FHIT: variants seen among roughly 807,000 people sequenced by gnomAD.
The protein encoded by FHIT is bis(5'-adenosyl)-triphosphatase.
FHIT carries 19 observed loss-of-function variants against 17.9 expected under a neutral mutation model. The ratio of observed to expected loss-of-function variants is 1.06; its 90% confidence interval spans 0.74 to 1.56. FHIT has a LOEUF of 1.56. Among genes scored for constraint, FHIT ranks in the 40% most tolerant of loss-of-function variants. The probability of loss-of-function intolerance (pLI) is 0.00; values close to 1 mark genes in which losing one functional copy is unlikely to be tolerated. For synonymous variants in FHIT, 81 were observed against 69.7 expected (o/e 1.16, Z -0.81); for missense variants, 248 against 189.2 (o/e 1.31, Z -1.82).
At chr3:61,107,398 G>T (rs1330743346) in intron 2 of FHIT, among the ~76,000 whole-genome samples, 1 of 152,118 alleles carries the variant, frequency 6.6e-6, no homozygotes, top group Non-Finnish European at 1.5e-5. Flanking sequence ...GGTTGATTCT[G>T]AATCTTAGCT....
Position 59,802,725 on chromosome 3 carries a change from C to T in FHIT, c.349-50404G>A, listed in dbSNP as rs150360773. Among the ~76,000 whole-genome samples the T allele has an allele frequency of 1.8e-3, 281 of 152,312 alleles. 3 individuals are homozygous for T. Among genetic ancestry groups the T allele is most frequent in the Non-Finnish European group, 1.6e-3 (110 of 68,036 alleles). On this transcript the variant is annotated intron_variant, in intron 8 of 9. Transcript: ENST00000492590. ...GCCTATTGGTTTGGTGGTCTCTTCA[C>T]ATGGACACGCGTGACAATTGTTTTA...
intron 4 of FHIT, among the ~76,000 whole-genome samples, chr3:60,541,803 G>A (rs1287137611): frequency 6.6e-6 from 1 of 152,182 alleles, no homozygotes; most frequent in Non-Finnish European, 1.5e-5. Flanking sequence ...CTGAGCACAT[G>A]GATCTAACAT....
intron 3 of FHIT, among the ~76,000 whole-genome samples, chr3:60,880,702 A>T (rs1187443532): frequency 6.6e-6 from 1 of 152,166 alleles, no homozygotes; most frequent in Non-Finnish European, 1.5e-5. Context: ...ATTGCATTCC[A>T]GCCTGGGCAA....
At chr3:61,229,120 G>T (rs1268895143) in intron 1 of FHIT, among the ~76,000 whole-genome samples, 2 of 152,074 alleles carry the variant, frequency 1.3e-5, no homozygotes, top group African/African-American at 4.8e-5. Flanking sequence ...CCTGGAGCCT[G>T]CAAATATTAC....
chr3:60,821,285 T>C (rs1575565689), intron 4 of FHIT, among the ~76,000 whole-genome samples: 1 of 152,288 alleles, frequency 6.6e-6, no homozygotes, highest in Admixed American at 6.5e-5. Flanking sequence ...AAATACATAT[T>C]CAACATATCC....
chr3:59,750,716 CTTTAACTA>C (rs957227467), intron 9 of FHIT: 9 of 213,928 alleles, frequency 4.2e-5, no homozygotes, highest in African/African-American at 9.0e-5. Flanking sequence ...TAGTCTGGGT[CTTTAACTA>C]TTTAGAATAC....
chr3:61,213,089 T>A (rs1347378335), intron 1 of FHIT, among the ~76,000 whole-genome samples: 1 of 152,136 alleles, frequency 6.6e-6, no homozygotes, highest in Non-Finnish European at 1.5e-5. Context: ...AGGAAGAAAC[T>A]GCATCAACTA....
At chr3:59,830,313 A>G (rs1701122279) in intron 8 of FHIT, among the ~76,000 whole-genome samples, 1 of 152,222 alleles carries the variant, frequency 6.6e-6, no homozygotes. Context: ...ATATATTCCA[A>G]AGGAAAAAGG....
intron 7 of FHIT, among the ~76,000 whole-genome samples, chr3:60,002,938 C>G (rs924033014): frequency 6.6e-6 from 1 of 152,016 alleles, no homozygotes; most frequent in African/African-American, 2.4e-5. Context: ...AACTGTGGAC[C>G]TTTCAAGAAG....
At chr3:59,977,622 C>T (rs947080509) in intron 7 of FHIT, among the ~76,000 whole-genome samples, 1 of 152,158 alleles carries the variant, frequency 6.6e-6, no homozygotes, top group African/African-American at 2.4e-5. Flanking sequence ...ATAGAGTCAG[C>T]CGCGTTGCAG....
At chr3:60,067,744 C>T (rs1435286535) in intron 5 of FHIT, among the ~76,000 whole-genome samples, 1 of 152,144 alleles carries the variant, frequency 6.6e-6, no homozygotes, top group African/African-American at 2.4e-5. Context: ...ACGCGACAGC[C>T]CCATTCCATC....
intron 3 of FHIT, among the ~76,000 whole-genome samples, chr3:60,991,461 A>G (rs2030204574): frequency 6.6e-6 from 1 of 152,212 alleles, no homozygotes; most frequent in South Asian, 2.1e-4. Flanking sequence ...ATATTTTAAA[A>G]ATTACAGCTG....
intron 4 of FHIT, among the ~76,000 whole-genome samples, chr3:60,700,355 G>A (rs543458560): frequency 7.9e-5 from 12 of 152,074 alleles, no homozygotes; most frequent in African/African-American, 1.7e-4. Flanking sequence ...TAATTCCAAC[G>A]GTCTCATATC....
At chr3:61,082,650 C>T (rs1224275523) in intron 2 of FHIT, among the ~76,000 whole-genome samples, 1 of 152,000 alleles carries the variant, frequency 6.6e-6, no homozygotes, top group Non-Finnish European at 1.5e-5. Context: ...ATTTTCAATC[C>T]CACACCACTG....
At chr3:61,060,310 T>C (rs562423917) in intron 2 of FHIT, among the ~76,000 whole-genome samples, 1 of 152,350 alleles carries the variant, frequency 6.6e-6, no homozygotes. Context: ...GGTTATATGT[T>C]GCTTTGCTTT....
rs140193642 is a variant in FHIT at position 60,108,702 on chromosome 3, C to T, written c.104-94550G>A. Among the ~76,000 whole-genome samples, 3 of 148,660 alleles carry T rather than the reference C, an allele frequency of 2.0e-5. No individual in the cohort carries two copies. In the East Asian group the frequency reaches 5.9e-4, roughly 29 times the overall value. ...TTTTGAGACAGAGTCTCGCTTTTGTCGTCCAGGCAGGAGTCCAATGGCTTG... is the reference window on the plus strand; with the variant it reads ...TTTTGAGACAGAGTCTCGCTTTTGTTGTCCAGGCAGGAGTCCAATGGCTTG... On this transcript the variant is annotated intron_variant, in intron 5 of 9. Transcript: ENST00000492590.
At chr3:59,920,896 G>C (rs1026158154) in intron 8 of FHIT, among the ~76,000 whole-genome samples, 3 of 152,168 alleles carry the variant, frequency 2.0e-5, no homozygotes, top group Non-Finnish European at 4.4e-5. Flanking sequence ...GTAAAACCCA[G>C]AGAGCCTATT....
At chr3:59,961,653 T>C (rs1312969490) in intron 7 of FHIT, among the ~76,000 whole-genome samples, 11 of 152,142 alleles carry the variant, frequency 7.2e-5, no homozygotes, top group African/African-American at 2.7e-4. Context: ...ATGGCTTCCC[T>C]TGGCTAGGGG....
In FHIT at chr3:60,390,396, T is replaced by TAAAAAAAAAAAA. The variant is rs869078939; in HGVS notation, c.103+146452_103+146463dup. ...TGGTCCCTTAAGATTGTAATGGAGCTAAAAAAAAAAAAAAAAAAAAAAAAA... is the reference window on the plus strand; with the variant it reads ...TGGTCCCTTAAGATTGTAATGGAGCTAAAAAAAAAAAAAAAAAAAAAAAAAAAAAAAAAAAAA... On this transcript the variant is annotated intron_variant, in intron 5 of 9. Coordinates refer to ENST00000492590, the MANE Select transcript of FHIT (RefSeq NM_002012.4). 1.6e-4 allele frequency among the ~76,000 whole-genome samples: 5 copies of TAAAAAAAAAAAA among 32,030 alleles called. 1 individual carries two copies. The highest frequency in any genetic ancestry group is 5.1e-4 in the Admixed American group (1 of 1,944). 21.0% of individuals were successfully genotyped at this position (32,030 alleles called of 152,430 possible). A position where few individuals can be genotyped will look rare whatever the true frequency, so the allele number is the denominator to read the frequency against.
Sources: gnomAD v4.1 joint callset for allele counts (sites outside exome capture counted in the v4.1 genomes callset) on GRCh38, gnomAD v4.1.1 for gene constraint, MANE v1.5 for transcripts, NCBI Gene and HGNC (gene_info 2026-07-23, HGNC 2026-07-21) for gene names.